SPAG16: variants seen among roughly 807,000 people sequenced by gnomAD.
SPAG16 encodes sperm-associated antigen 16 protein.
In SPAG16, 86 loss-of-function variants were observed where a neutral mutation model predicts 80.4. The ratio of observed to expected loss-of-function variants is 1.07; its 90% CI spans 0.90 to 1.28. The LOEUF (loss-of-function observed/expected upper bound fraction) is 1.28, where lower values mean the gene tolerates loss of function less well. SPAG16 is among the 50% of genes most tolerant of loss of function. The pLI, the probability that SPAG16 is intolerant of heterozygous loss-of-function variation, is 0.00. For missense variants in SPAG16, 870 were observed against 765.3 expected (o/e 1.14, Z -1.61); for synonymous variants, 294 against 265.9 (o/e 1.11, Z -1.03).
chr2:213,404,246 C>A (rs1328034354), intron 9 of SPAG16, among the ~76,000 whole-genome samples: 1 of 152,160 alleles, frequency 6.6e-6, no homozygotes, highest in Non-Finnish European at 1.5e-5. Flanking sequence ...GCCCGCATTG[C>A]CAAGTCAATC....
At chr2:213,658,285 C>A (rs938900452) in intron 10 of SPAG16, among the ~76,000 whole-genome samples, 1 of 152,102 alleles carries the variant, frequency 6.6e-6, no homozygotes, top group Non-Finnish European at 1.5e-5. Context: ...GAATACTCTC[C>A]TCAGCAATCC....
intron 15 of SPAG16, among the ~76,000 whole-genome samples, chr2:214,348,408 A>G (rs995152857): frequency 1.3e-5 from 2 of 152,182 alleles, no homozygotes; most frequent in African/African-American, 4.8e-5. Flanking sequence ...ATCAAATAGC[A>G]AGATCATTGT....
intron 13 of SPAG16, among the ~76,000 whole-genome samples, chr2:214,057,009 G>A (rs962959443): frequency 1.3e-5 from 2 of 151,970 alleles, no homozygotes; most frequent in African/African-American, 2.4e-5. Context: ...TTCACTTCTG[G>A]TTCTCCTATT....
intron 15 of SPAG16, among the ~76,000 whole-genome samples, chr2:214,190,835 G>A (rs1237494358): frequency 6.6e-6 from 1 of 152,084 alleles, no homozygotes; most frequent in South Asian, 2.1e-4. Flanking sequence ...CCCTGTTCTT[G>A]GACTTCCAGC....
chr2:213,913,490 CTGTGTGTCTG>C (rs2077776455), intron 11 of SPAG16, among the ~76,000 whole-genome samples: 1 of 116,916 alleles, frequency 8.6e-6, no homozygotes, highest in Non-Finnish European at 2.2e-5. Context: ...GTGTGTGTGT[CTGTGTGTCTG>C]TGTGTGTGTG....
intron 10 of SPAG16, among the ~76,000 whole-genome samples, chr2:213,730,926 A>G (rs527299553): frequency 8.6e-5 from 13 of 152,014 alleles, no homozygotes; most frequent in African/African-American, 2.4e-4. Flanking sequence ...AGGCTCACTG[A>G]TTTTTTCCTT....
intron 10 of SPAG16, among the ~76,000 whole-genome samples, chr2:213,785,120 G>A (rs2070254685): frequency 6.6e-6 from 1 of 152,084 alleles, no homozygotes; most frequent in African/African-American, 2.4e-5. Context: ...AACTTTACAT[G>A]TCTTTCACCC....
chr2:213,583,532 A>G (rs1421845915), intron 10 of SPAG16, among the ~76,000 whole-genome samples: 1 of 152,154 alleles, frequency 6.6e-6, no homozygotes, highest in Non-Finnish European at 1.5e-5. Context: ...AATGCTTCAT[A>G]TACTGCTAAA....
intron 9 of SPAG16, among the ~76,000 whole-genome samples, chr2:213,407,761 GGAGAGAGGCA>G (rs2068718318): frequency 7.0e-6 from 1 of 142,890 alleles, no homozygotes; most frequent in Non-Finnish European, 1.6e-5. Context: ...GAGAGAGACA[GGAGAGAGGCA>G]GAGAGAGACA....
chr2:213,884,463 T>C (rs1022056486), intron 11 of SPAG16, among the ~76,000 whole-genome samples: 1 of 152,192 alleles, frequency 6.6e-6, no homozygotes, highest in Admixed American at 6.5e-5. Flanking sequence ...ATGAACCTGA[T>C]GGCTATATCT....
chr2:213,985,492 G>A (rs368680980), intron 12 of SPAG16, among the ~76,000 whole-genome samples: 3 of 152,002 alleles, frequency 2.0e-5, no homozygotes, highest in East Asian at 3.9e-4. Context: ...CTAACTTTTT[G>A]TTGTAGCAGT....
chr2:213,374,603 C>T (rs2066795984), intron 8 of SPAG16, among the ~76,000 whole-genome samples: 2 of 151,432 alleles, frequency 1.3e-5, no homozygotes, highest in Admixed American at 1.3e-4. Flanking sequence ...GAAGCATAGA[C>T]AATAATATTT....
At chr2:214,286,956 T>G (rs978418796) in intron 15 of SPAG16, among the ~76,000 whole-genome samples, 2 of 152,206 alleles carry the variant, frequency 1.3e-5, no homozygotes, top group African/African-American at 4.8e-5. Flanking sequence ...TTTCTAATTA[T>G]TTTAAATTTA....
chr2:213,525,840 T>G (rs540212411), intron 10 of SPAG16, among the ~76,000 whole-genome samples: 16 of 152,274 alleles, frequency 1.1e-4, no homozygotes, highest in African/African-American at 3.8e-4. Flanking sequence ...TAGATACAGA[T>G]GTAGATATAC....
chr2:213,705,990 A>G (rs1307272184), intron 10 of SPAG16, among the ~76,000 whole-genome samples: 1 of 152,182 alleles, frequency 6.6e-6, no homozygotes, highest in African/African-American at 2.4e-5. Flanking sequence ...CAAACAATAT[A>G]GATAATTGCA....
chr2:214,250,757 T>TATATATAGAG (rs1475343777), intron 15 of SPAG16, among the ~76,000 whole-genome samples: 11 of 91,276 alleles, frequency 1.2e-4, no homozygotes, highest in African/African-American at 3.7e-4. Context: ...TATATATATA[T>TATATATAGAG]AGAGAGAGAG....
intron 11 of SPAG16, among the ~76,000 whole-genome samples, chr2:213,891,730 G>A (rs953089701): frequency 6.6e-6 from 1 of 152,062 alleles, no homozygotes; most frequent in Admixed American, 6.6e-5. Context: ...AATTCCTGGG[G>A]CCACAAAGAA....
intron 7 of SPAG16, among the ~76,000 whole-genome samples, chr2:213,353,415 C>A (rs1304607118): frequency 1.3e-5 from 2 of 152,202 alleles, no homozygotes; most frequent in Admixed American, 1.3e-4. Flanking sequence ...TCCATCTACA[C>A]AGATATACCT....
intron 9 of SPAG16, among the ~76,000 whole-genome samples, chr2:213,410,733 T>C (rs182521863): frequency 1.3e-5 from 2 of 152,348 alleles, no homozygotes; most frequent in East Asian, 1.9e-4. Flanking sequence ...ATTGTTACAC[T>C]TGTGCGCACG....
Sources: allele counts gnomAD v4.1 joint callset (sites outside exome capture counted in the v4.1 genomes callset), GRCh38; gene constraint gnomAD v4.1.1; transcripts MANE v1.5; gene names NCBI Gene and HGNC (gene_info 2026-07-23, HGNC 2026-07-21).